Variants in PKHD1L1 observed in about 807,000 individuals in gnomAD.
The protein encoded by PKHD1L1 is fibrocystin-L.
PKHD1L1 carries 434 observed loss-of-function variants against 462.9 expected under a neutral mutation model. That is an observed-to-expected ratio of 0.94 (90% CI 0.87 to 1.02). The LOEUF is 1.02. Ranked by LOEUF, PKHD1L1 falls within the 50% of genes least tolerant of loss-of-function variation. The pLI is 0.00. For missense variants in PKHD1L1, 5,202 were observed against 5,096.1 expected, an observed-to-expected ratio of 1.02 and a Z score of -0.63; for synonymous variants, 1,781 against 1,750.0, an observed-to-expected ratio of 1.02 and a Z score of -0.44.
Position 109,480,128 on chromosome 8 carries a change from A to C in PKHD1L1, c.9316A>C (p.Ile3106Leu). 4 of 1,567,568 alleles carry C rather than the reference A, an allele frequency of 2.6e-6. No individual in the cohort carries two copies. Among genetic ancestry groups the C allele is most frequent in the Non-Finnish European group, 3.5e-6 (4 of 1,156,666 alleles). Residue 3106 changes from isoleucine to leucine, a missense_variant, in exon 55 of 78, where the codon ATA (isoleucine) becomes CTA (leucine). Around this residue, in one of 3 missense-constraint regions of PKHD1L1, gnomAD observed 4,497 missense variants for 4,336.8 expected, o/e 1.04. Coordinates refer to ENST00000378402, the MANE Select transcript of PKHD1L1 (RefSeq NM_177531.6). ...YREVVLNATYISLQGGRLIGG... is the reference protein window; with the variant it reads ...YREVVLNATYLSLQGGRLIGG... ...AGAAGTTGTTTTGAATGCTACCTAC[A>C]TATCACTGCAGGTAAGAGTGAGGGC...
chr8:109,497,664 GATCCGCCCAC>G (rs1381237768), intron 65 of PKHD1L1, among the ~76,000 whole-genome samples: 2 of 152,168 alleles, frequency 1.3e-5, no homozygotes, highest in Non-Finnish European at 2.9e-5. Flanking sequence ...CTGACCTCGT[GATCCGCCCAC>G]ATCGGCCTCA....
chr8:109,412,486 A>G, intron 20 of PKHD1L1, 72 bp downstream of exon 20: 6 of 1,415,714 alleles, frequency 4.2e-6, no homozygotes, highest in Non-Finnish European at 4.7e-6. Context: ...TGAAATTTTA[A>G]GACAAGAAAA....
chr8:109,386,087 G>C (rs981156283), intron 6 of PKHD1L1, among the ~76,000 whole-genome samples: 1 of 152,160 alleles, frequency 6.6e-6, no homozygotes, highest in Non-Finnish European at 1.5e-5. Flanking sequence ...TGATGTACAG[G>C]CAAGTGCTGA....
intron 2 of PKHD1L1, among the ~76,000 whole-genome samples, chr8:109,367,897 T>C (rs1417194754): frequency 6.6e-6 from 1 of 152,174 alleles, no homozygotes; most frequent in Non-Finnish European, 1.5e-5. Flanking sequence ...AGTGAAACCC[T>C]GCTTTAAAAA....
At chr8:109,401,841 T>C (rs987951981) in intron 14 of PKHD1L1, among the ~76,000 whole-genome samples, 2 of 152,142 alleles carry the variant, frequency 1.3e-5, no homozygotes, top group Non-Finnish European at 2.9e-5. Context: ...GAAATGTACT[T>C]GATCCTGTTC....
rs1243207688 is a variant in PKHD1L1 at position 109,464,868 on chromosome 8, A to G, written c.8036A>G (p.Tyr2679Cys). The G allele has an allele frequency of 1.2e-6, 2 of 1,613,826 alleles. No homozygotes were observed. The highest frequency in any genetic ancestry group is 1.7e-5 in the Admixed American group (1 of 59,968). ...CATAACTTTGTGATGGTGAATAACTATGAGGCTGGAATTGAGACTAAGAGG... is the reference window on the plus strand; with the variant it reads ...CATAACTTTGTGATGGTGAATAACTGTGAGGCTGGAATTGAGACTAAGAGG... ...QFHNFVMVNN[Y>C]EAGIETKRIL... The change falls in exon 49 of 78, where the codon TAT becomes TGT. Residue 2679 changes from tyrosine (Y) to cysteine (C), a missense_variant. By Grantham distance (194) the Tyr-to-Cys change is radical. This residue lies in a region of PKHD1L1 where 4,497 missense variants were observed against 4,336.8 expected (regional missense o/e 1.04). Coordinates refer to ENST00000378402, the MANE Select transcript of PKHD1L1 (RefSeq NM_177531.6).
chr8:109,491,731 G>A (rs1046327247), intron 61 of PKHD1L1, 142 bp from the exon 62 acceptor site: 12 of 754,308 alleles, frequency 1.6e-5, no homozygotes, highest in East Asian at 1.1e-4. Context: ...AGACTCCTTC[G>A]AAACTCTAAG....
chr8:109,461,849 A>G lies in PKHD1L1; in HGVS notation c.7324A>G (p.Met2442Val). Reference protein sequence around the residue: ...IGSDQFGGCVMFHAPVPGANM... With the variant: ...IGSDQFGGCVVFHAPVPGANM... ...AAGTGACCAATTTGGAGGCTGCGTT[A>G]TGTTTCATGCTCCTGTACCTGGTGC... Residue 2442 changes from methionine to valine, a missense_variant, in exon 48 of 78, where the codon ATG becomes GTG. By Grantham distance (21) the Met-to-Val change is conservative. Transcript: ENST00000378402. 1 of 1,606,678 alleles carries G rather than the reference A, an allele frequency of 6.2e-7. No homozygotes were observed. Among genetic ancestry groups the G allele is most frequent in the Middle Eastern group, 1.7e-4 (1 of 6,048 alleles).
In PKHD1L1 at chr8:109,427,083, G is replaced by C. The variant is rs372146755; in HGVS notation, c.2927G>C (p.Arg976Pro). The C allele has an allele frequency of 1.5e-5, 25 of 1,613,852 alleles. No individual in the cohort carries two copies. Among genetic ancestry groups the C allele is most frequent in the Non-Finnish European group, 2.0e-5 (24 of 1,179,884 alleles). Reference sequence around the variant, plus strand: ...GGAATGGGAAGAATCTCAGTTACACGAGAGGGAACCTGTGCTGGCTACGCG... The same window carrying C: ...GGAATGGGAAGAATCTCAGTTACACCAGAGGGAACCTGTGCTGGCTACGCG... ...LEGMGRISVT[R>P]EGTCAGYAWN... Residue 976 changes from arginine to proline, a missense_variant, in exon 25 of 78, where the codon CGA (arginine) becomes CCA (proline). Coordinates refer to ENST00000378402, the MANE Select transcript of PKHD1L1 (RefSeq NM_177531.6).
intron 72 of PKHD1L1, among the ~76,000 whole-genome samples, chr8:109,516,475 A>G (rs1820275147): frequency 6.6e-6 from 1 of 152,000 alleles, no homozygotes; most frequent in South Asian, 2.1e-4. Context: ...TCACAATCTC[A>G]TCTAAACCCT....
chr8:109,467,214 G>T (rs538062988), intron 50 of PKHD1L1, among the ~76,000 whole-genome samples: 3 of 152,114 alleles, frequency 2.0e-5, no homozygotes, highest in African/African-American at 7.2e-5. Flanking sequence ...CACCAGATAC[G>T]CTTGGCATCA....
intron 68 of PKHD1L1, among the ~76,000 whole-genome samples, chr8:109,506,418 C>T (rs534658006): frequency 3.9e-5 from 6 of 152,300 alleles, no homozygotes; most frequent in African/African-American, 1.4e-4. Context: ...CTCTGCTGTG[C>T]GGTTCATATG....
rs1471535681 is a variant in PKHD1L1, at chr8:109,533,804, G to C, written c.*3714G>C. On this transcript the variant is annotated 3_prime_UTR_variant, in exon 78 of 78. Transcript: ENST00000378402. ...ATCTTGACAAAAAAAAAATTCCAGT[G>C]GATTGAATTAAAACTTTAGGTAAGA... Among the ~76,000 whole-genome samples, 1 of 152,066 alleles carries C rather than the reference G, an allele frequency of 6.6e-6. No individual in the cohort carries two copies. The highest frequency in any genetic ancestry group is 2.4e-5 in the African/African-American group (1 of 41,388).
At chr8:109,512,573 G>A (rs1390930457) in intron 71 of PKHD1L1, among the ~76,000 whole-genome samples, 6 of 150,528 alleles carry the variant, frequency 4.0e-5, no homozygotes, top group Non-Finnish European at 9.0e-5. Context: ...TTTGGTACCA[G>A]TACCATGCTG....
chr8:109,426,613 A>G (rs1034173742), intron 24 of PKHD1L1, among the ~76,000 whole-genome samples: 8 of 152,110 alleles, frequency 5.3e-5, no homozygotes, highest in Admixed American at 1.3e-4. Context: ...TACACATTTC[A>G]TGTGCTTTAA....
At position 109,412,274 on chromosome 8, in the gene PKHD1L1, A is replaced by G; in HGVS notation, c.2095A>G (p.Asn699Asp). The G allele has an allele frequency of 6.2e-7, 1 of 1,613,398 alleles. No homozygotes were observed. The stretch of plus-strand genomic sequence containing the variant: ...ATTATTGTTTCGGTAGGAACATATT[A>G]ACAGAGGGCAGAAGACAGCTGAAAC... ...YETDFNLEHI[N>D]RGQKTAETDA... The change falls in exon 20 of 78, where the codon AAC (asparagine) becomes GAC (aspartate). Residue 699 changes from asparagine (N) to aspartate (D), a missense_variant. Transcript: ENST00000378402.
intron 44 of PKHD1L1, 100 bp from the exon 45 acceptor site, chr8:109,454,623 C>A: frequency 6.7e-7 from 1 of 1,486,264 alleles, no homozygotes; most frequent in South Asian, 1.3e-5. Context: ...AATTAATTCT[C>A]AAAAGAGAAG....
intron 3 of PKHD1L1, among the ~76,000 whole-genome samples, chr8:109,382,151 G>A (rs996710411): frequency 2.0e-5 from 3 of 151,980 alleles, no homozygotes; most frequent in Non-Finnish European, 4.4e-5. Flanking sequence ...ATTGTACCGA[G>A]GTGATATGTT....
rs893984032 is a variant in PKHD1L1, at chr8:109,535,939, A to G, written c.*5849A>G. On this transcript the variant is annotated 3_prime_UTR_variant, in exon 78 of 78. Coordinates refer to ENST00000378402, the MANE Select transcript of PKHD1L1 (RefSeq NM_177531.6). ...AAGGATTGTAAGTGTCATAGTTCTG[A>G]CAGCTGCTCTTTCATCCTATGCCTT... Among the ~76,000 whole-genome samples, 2 of 151,162 alleles carry G rather than the reference A, an allele frequency of 1.3e-5. No homozygotes were observed. Among genetic ancestry groups the G allele is most frequent in the Non-Finnish European group, 3.0e-5 (2 of 67,760 alleles).
Sources: gnomAD v4.1 joint callset for allele counts (sites outside exome capture counted in the v4.1 genomes callset) on GRCh38, gnomAD v4.1.1 for gene constraint, gnomAD v4.1.1 regional missense constraint, MANE v1.5 for transcripts, NCBI Gene and HGNC (gene_info 2026-07-23, HGNC 2026-07-21) for gene names.